The following IGSF10 variants were observed in gnomAD, a reference collection of about 807,000 sequenced individuals.
The protein encoded by IGSF10 is immunoglobulin superfamily member 10.
IGSF10 carries 126 observed loss-of-function variants against 128.2 expected under a neutral mutation model. The ratio of observed to expected loss-of-function variants is 0.98; its 90% CI spans 0.85 to 1.14. The LOEUF (loss-of-function observed/expected upper bound fraction) is 1.14. Ranked by LOEUF, IGSF10 falls within the 50% of genes most tolerant of loss-of-function variation. IGSF10 has a pLI of 0.00. For missense variants in IGSF10, 3,295 were observed against 3,149.8 expected, an observed-to-expected ratio of 1.05 and a Z score of -1.10; for synonymous variants, 1,185 against 1,146.2, an observed-to-expected ratio of 1.03 and a Z score of -0.68.
the IGSF10 span, among the ~76,000 whole-genome samples, chr3:151,564,055 C>T: frequency 6.6e-6 from 1 of 152,102 alleles, no homozygotes; most frequent in Middle Eastern, 3.2e-3. Context: ...CATCTTTGCT[C>T]GCTTCCTGTT....
At chr3:151,498,348 A>G in the IGSF10 span, among the ~76,000 whole-genome samples, 1 of 152,164 alleles carries the variant, frequency 6.6e-6, no homozygotes, top group Non-Finnish European at 1.5e-5. Context: ...CATTCCATCA[A>G]TACCTAATTT....
At chr3:151,547,940 T>G in the IGSF10 span, among the ~76,000 whole-genome samples, 2 of 152,352 alleles carry the variant, frequency 1.3e-5, no homozygotes, top group South Asian at 4.1e-4. Context: ...TAGTTTTATA[T>G]GTTTGTGGTG....
At chr3:151,479,095 C>G in the IGSF10 span, among the ~76,000 whole-genome samples, 1 of 152,154 alleles carries the variant, frequency 6.6e-6, no homozygotes, top group Non-Finnish European at 1.5e-5. Flanking sequence ...AAGATATTTT[C>G]AAATCCTGTA....
At chr3:151,547,200 C>T in the IGSF10 span, among the ~76,000 whole-genome samples, 1 of 152,000 alleles carries the variant, frequency 6.6e-6, no homozygotes, top group Non-Finnish European at 1.5e-5. Flanking sequence ...CCACACCGTC[C>T]CACACACATG....
chr3:151,488,461 G>GA, the IGSF10 span, among the ~76,000 whole-genome samples: 7 of 151,788 alleles, frequency 4.6e-5, no homozygotes, highest in East Asian at 1.9e-4. Context: ...CACAGAATTA[G>GA]AAAAAAAACT....
the IGSF10 span, among the ~76,000 whole-genome samples, chr3:151,541,765 T>A: frequency 1.3e-5 from 2 of 152,184 alleles, no homozygotes; most frequent in Non-Finnish European, 2.9e-5. Context: ...TAAATACATA[T>A]ACATACATAT....
At position 151,442,972 on chromosome 3, in the gene IGSF10, G is replaced by C; in HGVS notation, c.5963+12C>G. On this transcript the variant is annotated intron_variant, in intron 7 of 7. Transcript: ENST00000282466. Reference sequence around the variant, plus strand: ...TAAAGCAGATAATTCCAACCCAAAGGTATAGACTTACCTATGCTGCTGGTC... The same window carrying C: ...TAAAGCAGATAATTCCAACCCAAAGCTATAGACTTACCTATGCTGCTGGTC... 2 of 1,608,566 alleles carry C rather than the reference G, an allele frequency of 1.2e-6. No individual in the cohort carries two copies. Among genetic ancestry groups the C allele is most frequent in the Non-Finnish European group, 1.7e-6 (2 of 1,177,222 alleles).
At chr3:151,615,513 G>A in the IGSF10 span, among the ~76,000 whole-genome samples, 1 of 152,074 alleles carries the variant, frequency 6.6e-6, no homozygotes, top group South Asian at 2.1e-4. Context: ...CTCTGAATAT[G>A]TGAAGAAATT....
At chr3:151,586,866 GA>G in the IGSF10 span, among the ~76,000 whole-genome samples, 1 of 152,112 alleles carries the variant, frequency 6.6e-6, no homozygotes, top group Non-Finnish European at 1.5e-5. Flanking sequence ...AGAAAATGGA[GA>G]GGGGGGGAAA....
At chr3:151,518,392 G>A in the IGSF10 span, among the ~76,000 whole-genome samples, 3 of 151,976 alleles carry the variant, frequency 2.0e-5, no homozygotes, top group Admixed American at 6.6e-5. Context: ...GAGACTGCTC[G>A]ATTCATGAAT....
chr3:151,531,245 C>T, the IGSF10 span, among the ~76,000 whole-genome samples: 1 of 152,104 alleles, frequency 6.6e-6, no homozygotes, highest in African/African-American at 2.4e-5. Context: ...CAGTGGGAGA[C>T]TTTAACACCC....
the IGSF10 span, among the ~76,000 whole-genome samples, chr3:151,587,495 T>A: frequency 5.3e-5 from 8 of 152,228 alleles, no homozygotes; most frequent in Admixed American, 1.3e-4. Context: ...AATAATTTGT[T>A]TTCTGGGCAT....
At chr3:151,488,759 C>T in the IGSF10 span, among the ~76,000 whole-genome samples, 1 of 152,190 alleles carries the variant, frequency 6.6e-6, no homozygotes, top group Non-Finnish European at 1.5e-5. Flanking sequence ...GTTGGGAAAA[C>T]TGGCTTGCCA....
At chr3:151,456,508 C>CT (rs1721804862) in intron 4 of IGSF10, among the ~76,000 whole-genome samples, 1 of 152,116 alleles carries the variant, frequency 6.6e-6, no homozygotes, top group Non-Finnish European at 1.5e-5. Context: ...TCCCTTTATT[C>CT]TTTTCTCTAG....
rs768170569 is a variant in IGSF10, at chr3:151,443,695, C to T, written c.5252G>A (p.Arg1751His). 27 of 1,614,028 alleles carry T rather than the reference C, an allele frequency of 1.7e-5. No homozygotes were observed. Among genetic ancestry groups the T allele is most frequent in the South Asian group, 5.5e-5 (5 of 91,084 alleles). The change falls in exon 7 of 8, where the codon CGT (arginine) becomes CAT (histidine). Residue 1751 changes from arginine to histidine, a missense_variant. Physicochemically the swap from Arg to His is conservative, Grantham distance 29. Transcript: ENST00000282466. ...GGAATGAACTGTGATCTCTTTGGTA[C>T]GTCTCTCCAGGATCCTGGGAGGATA... ...VSYPPRILER[R>H]TKEITVHSGS...
At chr3:151,490,861 T>G in the IGSF10 span, among the ~76,000 whole-genome samples, 2 of 151,598 alleles carry the variant, frequency 1.3e-5, no homozygotes. Context: ...TCAAAACTTA[T>G]GGATGAAGTA....
At chr3:151,457,583 G>A (rs576610111) in intron 3 of IGSF10, among the ~76,000 whole-genome samples, 75 of 152,224 alleles carry the variant, frequency 4.9e-4, no homozygotes, top group South Asian at 1.2e-3. Flanking sequence ...AGGCTTGGGC[G>A]TCTCGTTTGG....
the IGSF10 span, among the ~76,000 whole-genome samples, chr3:151,477,541 A>G: frequency 6.6e-6 from 1 of 152,228 alleles, no homozygotes. Flanking sequence ...TGTAAAATAT[A>G]TTAGATGTTC....
chr3:151,508,922 G>A, the IGSF10 span, among the ~76,000 whole-genome samples: 1 of 152,140 alleles, frequency 6.6e-6, no homozygotes, highest in Non-Finnish European at 1.5e-5. Flanking sequence ...TTATAATTAT[G>A]GTTATTATGT....
Sources: gnomAD v4.1 joint callset for allele counts (sites outside exome capture counted in the v4.1 genomes callset) on GRCh38, gnomAD v4.1.1 for gene constraint, MANE v1.5 for transcripts, NCBI Gene and HGNC (gene_info 2026-07-23, HGNC 2026-07-21) for gene names.